The following DACH1 variants were observed in gnomAD, a reference collection of about 807,000 sequenced individuals.
DACH1 encodes dachshund family transcription factor 1, also known as dachshund homolog 1.
Under a neutral mutation model 54.2 loss-of-function variants are expected in DACH1, and 12 were observed. The observed-to-expected ratio is 0.22, with a 90% CI of 0.14 to 0.36. DACH1 has a LOEUF of 0.36. Among genes scored for constraint, DACH1 ranks in the 10% least tolerant of loss-of-function variants. The pLI is 1.00. For missense variants in DACH1, 805 were observed against 929.8 expected, an observed-to-expected ratio of 0.87 and a Z score of 1.75; for synonymous variants, 386 against 366.2, an observed-to-expected ratio of 1.05 and a Z score of -0.62.
intron 10 of DACH1, among the ~76,000 whole-genome samples, chr13:71,449,517 G>A (rs142666931): frequency 0.01 from 1,521 of 151,950 alleles, 25 homozygotes; most frequent in African/African-American, 0.034. Context: ...ACACACTGGG[G>A]CCTGTCAGGG....
chr13:71,576,197 CAG>C (rs149653762), intron 3 of DACH1, among the ~76,000 whole-genome samples: 2,164 of 152,032 alleles, frequency 0.014, 40 homozygotes, highest in African/African-American at 0.034. Context: ...AAGACAGAAA[CAG>C]AAAAAACTGA....
chr13:71,495,091 G>T (rs1216414470), intron 6 of DACH1, among the ~76,000 whole-genome samples: 1 of 151,784 alleles, frequency 6.6e-6, no homozygotes, highest in Non-Finnish European at 1.5e-5. Flanking sequence ...TGTGTGTTTT[G>T]GTCTCTAATG....
At chr13:71,725,197 C>CA (rs1386553034) in intron 1 of DACH1, among the ~76,000 whole-genome samples, 3 of 152,140 alleles carry the variant, frequency 2.0e-5, no homozygotes, top group East Asian at 3.9e-4. Flanking sequence ...ATGTTAGCGT[C>CA]AAAAAACCAT....
At chr13:71,597,321 G>A (rs894615171) in intron 3 of DACH1, among the ~76,000 whole-genome samples, 4 of 152,078 alleles carry the variant, frequency 2.6e-5, no homozygotes, top group Non-Finnish European at 5.9e-5. Flanking sequence ...ATTGCACAAT[G>A]TACACATATT....
chr13:71,746,987 C>G (rs1884626812), intron 1 of DACH1, among the ~76,000 whole-genome samples: 1 of 152,024 alleles, frequency 6.6e-6, no homozygotes, highest in African/African-American at 2.4e-5. Flanking sequence ...AACACATAAT[C>G]TTGTAGTAAC....
At chr13:71,553,787 T>C (rs1288703228) in intron 6 of DACH1, among the ~76,000 whole-genome samples, 1 of 151,314 alleles carries the variant, frequency 6.6e-6, no homozygotes, top group African/African-American at 2.4e-5. Context: ...CTTCAACTAA[T>C]GGTGACTTAA....
intron 1 of DACH1, among the ~76,000 whole-genome samples, chr13:71,684,431 T>A (rs866010086): frequency 3.3e-5 from 5 of 152,228 alleles, no homozygotes; most frequent in African/African-American, 1.2e-4. Context: ...TTGGCCCTAC[T>A]CAGTTTCTTA....
intron 10 of DACH1, among the ~76,000 whole-genome samples, chr13:71,444,042 T>A (rs916159435): frequency 1.3e-5 from 2 of 152,172 alleles, no homozygotes; most frequent in African/African-American, 4.8e-5. Context: ...TAATATATAA[T>A]TATTTGTGGT....
intron 3 of DACH1, among the ~76,000 whole-genome samples, chr13:71,619,319 A>G (rs1876032802): frequency 6.6e-6 from 1 of 151,908 alleles, no homozygotes; most frequent in African/African-American, 2.4e-5. Flanking sequence ...TTATCTCTTC[A>G]TTTCCATCAC....
chr13:71,855,646 T>C (rs1378280619), intron 1 of DACH1, among the ~76,000 whole-genome samples: 1 of 152,016 alleles, frequency 6.6e-6, no homozygotes, highest in African/African-American at 2.4e-5. Flanking sequence ...AAATATCTTT[T>C]ATGCATCCAG....
intron 6 of DACH1, among the ~76,000 whole-genome samples, chr13:71,553,490 T>G (rs1230326820): frequency 6.8e-6 from 1 of 146,622 alleles, no homozygotes; most frequent in African/African-American, 2.5e-5. Flanking sequence ...TATATACATA[T>G]ATATATATAC....
chr13:71,503,056 C>T (rs1160021929), intron 6 of DACH1, among the ~76,000 whole-genome samples: 1 of 152,166 alleles, frequency 6.6e-6, no homozygotes, highest in Non-Finnish European at 1.5e-5. Context: ...TGCCTTGCCA[C>T]CATCTCTTGG....
chr13:71,450,715 T>C (rs1874961641), intron 10 of DACH1, among the ~76,000 whole-genome samples: 1 of 151,990 alleles, frequency 6.6e-6, no homozygotes, highest in Non-Finnish European at 1.5e-5. Flanking sequence ...TGAAGGAAAT[T>C]AAAAGCTACT....
At chr13:71,745,143 T>C (rs184506236) in intron 1 of DACH1, among the ~76,000 whole-genome samples, 336 of 152,106 alleles carry the variant, frequency 2.2e-3, no homozygotes, top group African/African-American at 7.6e-3. Flanking sequence ...TTTTCATTCC[T>C]TTTTTTTGTT....
chr13:71,711,380 C>T (rs1882717316), intron 1 of DACH1, among the ~76,000 whole-genome samples: 1 of 152,132 alleles, frequency 6.6e-6, no homozygotes, highest in African/African-American at 2.4e-5. Context: ...ACATCTAAGA[C>T]AGCCATTTAT....
intron 1 of DACH1, among the ~76,000 whole-genome samples, chr13:71,698,206 GTAAA>G (rs765587654): frequency 6.6e-6 from 1 of 151,712 alleles, no homozygotes; most frequent in Non-Finnish European, 1.5e-5. Flanking sequence ...AAATAAATAA[GTAAA>G]TAATAAAACA....
At chr13:71,708,724 C>A (rs1448794266) in intron 1 of DACH1, among the ~76,000 whole-genome samples, 1 of 152,008 alleles carries the variant, frequency 6.6e-6, no homozygotes, top group African/African-American at 2.4e-5. Flanking sequence ...GATAAGCAAG[C>A]TAATATCTTC....
intron 1 of DACH1, among the ~76,000 whole-genome samples, chr13:71,737,486 T>A (rs1199287859): frequency 6.6e-6 from 1 of 152,216 alleles, no homozygotes; most frequent in East Asian, 1.9e-4. Context: ...AGCAGTAGTT[T>A]AGTTGATGAA....
intron 2 of DACH1, among the ~76,000 whole-genome samples, chr13:71,637,470 A>C (rs1877571547): frequency 6.6e-6 from 1 of 152,210 alleles, no homozygotes; most frequent in Non-Finnish European, 1.5e-5. Flanking sequence ...GCAAACGGAT[A>C]TCTAAAAATC....
Sources: gnomAD v4.1 joint callset for allele counts (sites outside exome capture counted in the v4.1 genomes callset) on GRCh38, gnomAD v4.1.1 for gene constraint, MANE v1.5 for transcripts, NCBI Gene and HGNC (gene_info 2026-07-23, HGNC 2026-07-21) for gene names.